The following PPM1M variants were observed in gnomAD, a reference collection of about 807,000 sequenced individuals.
The protein encoded by PPM1M is protein phosphatase, Mg2+/Mn2+ dependent 1M, also known as protein phosphatase 1M.
PPM1M carries 44 observed loss-of-function variants against 50.8 expected under a neutral mutation model. That is an observed-to-expected ratio of 0.87 (90% confidence interval 0.68 to 1.11). The LOEUF (loss-of-function observed/expected upper bound fraction) is 1.11. Ranked by LOEUF, PPM1M falls within the 50% of genes most tolerant of loss-of-function variation. PPM1M has a pLI of 0.00. For synonymous variants in PPM1M, 224 were observed against 242.9 expected (o/e 0.92, Z 0.72); for missense variants, 556 against 593.4 (o/e 0.94, Z 0.66).
At chr3:52,248,591 AG>A in intron 6 of PPM1M, 45 bp from the exon 7 acceptor site, 1 of 1,607,676 alleles carries the variant, frequency 6.2e-7, no homozygotes. Flanking sequence ...GGGAAAGATG[AG>A]ATGGGGCACA....
chr3:52,246,492 G>C, intron 1 of PPM1M: 1 of 584,534 alleles, frequency 1.7e-6, no homozygotes, highest in Non-Finnish European at 2.6e-6. Context: ...CTCCAGAGGA[G>C]CTGGGCCCTG....
At chr3:52,248,524 C>T (rs1699904309) in intron 6 of PPM1M, 71 bp downstream of exon 6, 9 of 1,588,386 alleles carry the variant, frequency 5.7e-6, no homozygotes, top group Non-Finnish European at 7.8e-6. Flanking sequence ...GGCCTGGGGC[C>T]CCCCTCCACC....
At position 52,247,631 on chromosome 3, in the gene PPM1M, T is replaced by C. The variant is rs1358772844; in HGVS notation, c.598-51T>C. The C allele has an allele frequency of 4.2e-6, 5 of 1,202,058 alleles. No individual in the cohort carries two copies. In the Admixed American group the frequency reaches 7.9e-5, roughly 19 times the overall value. The allele number at this position is 1,202,058 out of a possible 1,614,324, so 74.5% of individuals were successfully genotyped here. A position where few individuals can be genotyped will look rare whatever the true frequency, so the allele number is the denominator to read the frequency against. On this transcript the variant is annotated intron_variant, in intron 3 of 9. Transcript: ENST00000323588. ...GTAGGGTGGGGATTGAGAGACAAAGTAGTATGGTGGCAGAACAGGCAGCAG... is the reference window on the plus strand; with the variant it reads ...GTAGGGTGGGGATTGAGAGACAAAGCAGTATGGTGGCAGAACAGGCAGCAG...
rs762648969 is a variant in PPM1M, at chr3:52,250,252, A to G, written c.*438A>G. 5 of 171,822 alleles carry G rather than the reference A, an allele frequency of 2.9e-5. No homozygotes were observed. Among genetic ancestry groups the G allele is most frequent in the Admixed American group, 1.6e-4 (3 of 18,196 alleles). 10.6% of individuals were successfully genotyped at this position (171,822 alleles called of 1,614,324 possible). A position where few individuals can be genotyped will look rare whatever the true frequency, so the allele number is the denominator to read the frequency against. ...CAGGGCATGTGTTCAACAACCCCCA[A>G]AGTCCACGCAGGTGGCTTGTAGAAA... On this transcript the variant is annotated 3_prime_UTR_variant, in exon 10 of 10. Transcript: ENST00000323588.
At chr3:52,248,045 C>G (rs1386122579) in intron 4 of PPM1M, 108 bp from the exon 5 acceptor site, 1 of 1,010,152 alleles carries the variant, frequency 9.9e-7, no homozygotes, top group Non-Finnish European at 1.5e-6. Context: ...AAGGGATCAT[C>G]ATGGACAGAG....
chr3:52,248,682 C>G lies in PPM1M; in HGVS notation c.960C>G (p.Ile320Met), dbSNP rs1699907827. 12 of 1,613,860 alleles carry G rather than the reference C, an allele frequency of 7.4e-6. No individual in the cohort carries two copies. Among genetic ancestry groups the G allele is most frequent in the Non-Finnish European group, 1.0e-5 (12 of 1,179,808 alleles). The change falls in exon 7 of 10, where the codon ATC becomes ATG. Residue 320 changes from isoleucine (I) to methionine (M), a missense_variant. Coordinates refer to ENST00000323588, the MANE Select transcript of PPM1M (RefSeq NM_144641.4). ...AATCGGATCTCAAGTACCCACTGAT[C>G]CATGGACAGGGTAGGCAGGTCAGTG... ...VEKSDLKYPL[I>M]HGQGRQARLL...
In PPM1M at chr3:52,247,197, T is replaced by C. The variant is rs1329958502; in HGVS notation, c.566T>C (p.Ile189Thr). 1 of 1,613,358 alleles carries C rather than the reference T, an allele frequency of 6.2e-7. No homozygotes were observed. Among genetic ancestry groups the C allele is most frequent in the South Asian group, 1.1e-5 (1 of 90,858 alleles). Residue 189 changes from isoleucine (I) to threonine (T), a missense_variant, in exon 3 of 10, where the codon ATC becomes ACC. Ile to Thr is a moderately conservative substitution (Grantham distance 89, BLOSUM62 -1). Coordinates refer to ENST00000323588, the MANE Select transcript of PPM1M (RefSeq NM_144641.4). Reference sequence around the variant, plus strand: ...GGCATCAGGGCAGAAGACTTGGTGATCGGGGCATTGGAGAGTGCCTTTCAG... The same window carrying C: ...GGCATCAGGGCAGAAGACTTGGTGACCGGGGCATTGGAGAGTGCCTTTCAG... ...EKGIRAEDLVIGALESAFQEC... is the reference protein window; with the variant it reads ...EKGIRAEDLVTGALESAFQEC...
In PPM1M at chr3:52,247,788, A is replaced by C; in HGVS notation, c.704A>C (p.Asp235Ala). Reference sequence around the variant, plus strand: ...AAGCTGTACATGGCCAATGCTGGGGATAGCAGGTGAGTCACCCCTTGGAGG... The same window carrying C: ...AAGCTGTACATGGCCAATGCTGGGGCTAGCAGGTGAGTCACCCCTTGGAGG... ...QGKLYMANAG[D>A]SRAILVRRDE... Residue 235 changes from aspartate to alanine, a missense_variant, in exon 4 of 10, where the codon GAT becomes GCT. Physicochemically the swap from Asp to Ala is moderately radical, Grantham distance 126. Transcript: ENST00000323588. The C allele has an allele frequency of 8.5e-7, 1 of 1,181,322 alleles. No homozygotes were observed. The highest frequency in any genetic ancestry group is 1.2e-6 in the Non-Finnish European group (1 of 856,548). 73.2% of individuals were successfully genotyped at this position (1,181,322 alleles called of 1,614,324 possible).
intron 9 of PPM1M, 25 bp downstream of exon 9, chr3:52,249,347 C>T (rs1241961303): frequency 1.3e-6 from 2 of 1,574,584 alleles, no homozygotes; most frequent in Admixed American, 3.8e-5. Flanking sequence ...GGGGACCTGC[C>T]TGGGCCTGGG....
At position 52,250,045 on chromosome 3, in the gene PPM1M, C is replaced by G; in HGVS notation, c.*231C>G. The G allele has an allele frequency of 2.0e-6, 1 of 494,134 alleles. No individual in the cohort carries two copies. Among genetic ancestry groups the G allele is most frequent in the South Asian group, 3.1e-5 (1 of 32,674 alleles). The allele number at this position is 494,134 out of a possible 1,614,324, so 30.6% of individuals were successfully genotyped here. A position where few individuals can be genotyped will look rare whatever the true frequency, so the allele number is the denominator to read the frequency against. ...AGGTCCTGCCTTTTGCGGTGATAACCTTCTCTGGCAGAGTGACTTTACAAC... is the reference window on the plus strand; with the variant it reads ...AGGTCCTGCCTTTTGCGGTGATAACGTTCTCTGGCAGAGTGACTTTACAAC... On this transcript the variant is annotated 3_prime_UTR_variant, in exon 10 of 10. Coordinates refer to ENST00000323588, the MANE Select transcript of PPM1M (RefSeq NM_144641.4).
rs202055215 is a variant in PPM1M, at chr3:52,247,697, C to T, written c.613C>T (p.Arg205Trp). ...TTTTCCCCAGGATGAGGTGATCGGG[C>T]GGGAGCTGGAGGCCTCAGGCCAGAT... The part of the protein sequence containing the change: ...AFQECDEVIG[R>W]ELEASGQMGG... Residue 205 changes from arginine (R) to tryptophan (W), a missense_variant, in exon 4 of 10, where the codon CGG becomes TGG. Coordinates refer to ENST00000323588, the MANE Select transcript of PPM1M (RefSeq NM_144641.4). 7.2e-5 allele frequency: 115 copies of T among 1,600,896 alleles called. No individual in the cohort carries two copies. The highest frequency in any genetic ancestry group is 3.2e-5 in the Non-Finnish European group (37 of 1,173,764).
chr3:52,248,703 C>T lies in PPM1M; in HGVS notation c.978+3C>T, dbSNP rs1160227032. Reference sequence around the variant, plus strand: ...TGATCCATGGACAGGGTAGGCAGGTCAGTGCCTGGTCCTCCTCAACCCCAA... The same window carrying T: ...TGATCCATGGACAGGGTAGGCAGGTTAGTGCCTGGTCCTCCTCAACCCCAA... On this transcript the variant is annotated splice_donor_region_variant and intron_variant, in intron 7 of 9. Coordinates refer to ENST00000323588, the MANE Select transcript of PPM1M (RefSeq NM_144641.4). 2 of 1,613,256 alleles carry T rather than the reference C, an allele frequency of 1.2e-6. No homozygotes were observed. The highest frequency in any genetic ancestry group is 1.1e-5 in the South Asian group (1 of 91,058).
chr3:52,246,755 C>T lies in PPM1M; in HGVS notation c.285C>T (p.Cys95=). The T allele has an allele frequency of 7.5e-7, 1 of 1,336,820 alleles. No individual in the cohort carries two copies. 82.8% of individuals were successfully genotyped at this position (1,336,820 alleles called of 1,614,324 possible). The change falls in exon 2 of 10, where the codon TGC becomes TGT. Residue 95 remains cysteine, a synonymous_variant. Transcript: ENST00000323588. ...ATCAAGCCGCCTGTGGGAAGCTGTG[C>T]ATCCGGAGATGTGAGTTTGGGGCTG... ...NEDQAACGKL[C]IRRCEFGAEE...
rs138142007 is a variant in PPM1M at position 52,248,184 on chromosome 3, C to T, written c.742C>T (p.Pro248Ser). 92 of 1,613,180 alleles carry T rather than the reference C, an allele frequency of 5.7e-5. No homozygotes were observed. In the African/African-American group the frequency reaches 1.1e-3, roughly 19 times the overall value. ...AILVRRDEIR[P>S]LSFEFTPETE... is the part of the protein sequence containing the mutation. ...CTTGGTGCGGAGAGATGAGATACGG[C>T]CACTGAGCTTCGAGTTCACCCCAGA... The change falls in exon 5 of 10, where the codon CCA (proline) becomes TCA (serine). Residue 248 changes from proline (P) to serine (S), a missense_variant. By Grantham distance (74) the Pro-to-Ser change is moderately conservative. Transcript: ENST00000323588.
At chr3:52,248,476 TAGGA>T (rs756678663) in intron 6 of PPM1M, 23 bp downstream of exon 6, 6 of 1,604,014 alleles carry the variant, frequency 3.7e-6, no homozygotes, top group African/African-American at 2.7e-5. Context: ...GGGGGACAGG[TAGGA>T]AGGGAGACCC....
chr3:52,246,147 C>T, intron 1 of PPM1M, 99 bp downstream of exon 1: 1 of 1,040,694 alleles, frequency 9.6e-7, no homozygotes, highest in Non-Finnish European at 1.2e-6. Flanking sequence ...TGACAGTCCC[C>T]ACCCACCTGT....
intron 9 of PPM1M, 117 bp downstream of exon 9, chr3:52,249,439 G>C (rs1699924298): frequency 7.3e-6 from 10 of 1,374,574 alleles, no homozygotes; most frequent in Non-Finnish European, 1.0e-5. Context: ...CAGGATCAGG[G>C]CTGTCTCAAG....
chr3:52,247,188 A>G lies in PPM1M; in HGVS notation c.557A>G (p.Asp186Gly). ...GAGGAAAAGGGCATCAGGGCAGAAG[A>G]CTTGGTGATCGGGGCATTGGAGAGT... ...FVEEKGIRAE[D>G]LVIGALESAF... The change falls in exon 3 of 10, where the codon GAC becomes GGC. Residue 186 changes from aspartate to glycine, a missense_variant. Asp to Gly is a moderately conservative substitution (Grantham distance 94, BLOSUM62 -1). Transcript: ENST00000323588. 2 of 1,613,384 alleles carry G rather than the reference A, an allele frequency of 1.2e-6. No individual in the cohort carries two copies. The highest frequency in any genetic ancestry group is 2.2e-5 in the South Asian group (2 of 90,862).
chr3:52,248,874 GTGTGCTC>G, intron 7 of PPM1M, 75 bp from the exon 8 acceptor site: 1 of 1,272,674 alleles, frequency 7.9e-7, no homozygotes, highest in Non-Finnish European at 1.1e-6. Context: ...ACCTCTCCCT[GTGTGCTC>G]TGCAGTGCTA....
Sources: gnomAD v4.1 joint callset for allele counts on GRCh38, gnomAD v4.1.1 for gene constraint, MANE v1.5 for transcripts, NCBI Gene and HGNC (gene_info 2026-07-23, HGNC 2026-07-21) for gene names.